Variants in PTPRK observed in about 807,000 individuals in gnomAD.
The protein encoded by PTPRK is receptor-type tyrosine-protein phosphatase kappa.
A neutral mutation model predicts 178.0 loss-of-function variants in PTPRK; 75 were observed. The observed-to-expected ratio is 0.42, with a 90% CI of 0.35 to 0.51. PTPRK has a LOEUF of 0.51. Ranked by LOEUF, PTPRK falls within the 20% of genes least tolerant of loss-of-function variation. The pLI, the probability that PTPRK is intolerant of heterozygous loss-of-function variation, is 0.02. For missense variants in PTPRK, 1,441 were observed against 1,797.8 expected (o/e 0.80, Z 3.59); for synonymous variants, 637 against 620.6 (o/e 1.03, Z -0.39).
intron 1 of PTPRK, among the ~76,000 whole-genome samples, chr6:128,439,862 T>A (rs1846065832): frequency 6.6e-6 from 1 of 152,216 alleles, no homozygotes; most frequent in Non-Finnish European, 1.5e-5. Context: ...GTGATTTACA[T>A]TCTGACTCAT....
chr6:128,182,801 C>T (rs1383575817), intron 7 of PTPRK, among the ~76,000 whole-genome samples: 1 of 152,100 alleles, frequency 6.6e-6, no homozygotes, highest in Non-Finnish European at 1.5e-5. Flanking sequence ...ATCTCCATGG[C>T]TTTCACATCT....
At chr6:128,244,464 A>G (rs946539866) in intron 3 of PTPRK, among the ~76,000 whole-genome samples, 7 of 152,204 alleles carry the variant, frequency 4.6e-5, no homozygotes, top group Non-Finnish European at 8.8e-5. Flanking sequence ...CCAACATCGA[A>G]TGGTTAAGAA....
chr6:128,316,342 C>T (rs1827991635), intron 3 of PTPRK, among the ~76,000 whole-genome samples: 1 of 152,124 alleles, frequency 6.6e-6, no homozygotes, highest in Admixed American at 6.5e-5. Flanking sequence ...ATGCATTGAA[C>T]AAACAATGCT....
chr6:128,236,651 A>T (rs1242792459), intron 5 of PTPRK, among the ~76,000 whole-genome samples: 1 of 151,980 alleles, frequency 6.6e-6, no homozygotes, highest in Admixed American at 6.6e-5. Context: ...CCGACCCTAA[A>T]TTTCTTTTAG....
At chr6:128,316,050 G>C (rs967122626) in intron 3 of PTPRK, among the ~76,000 whole-genome samples, 7 of 152,138 alleles carry the variant, frequency 4.6e-5, no homozygotes, top group African/African-American at 1.7e-4. Context: ...TTATCTATTT[G>C]TCATGTATTA....
At chr6:128,386,878 G>T (rs536012128) in intron 2 of PTPRK, among the ~76,000 whole-genome samples, 2 of 152,148 alleles carry the variant, frequency 1.3e-5, no homozygotes, top group East Asian at 3.9e-4. Flanking sequence ...GACCAGCCTG[G>T]CCAACATGGT....
At position 128,507,226 on chromosome 6, in the gene PTPRK, A is replaced by G. The variant is rs1402070387; in HGVS notation, c.100+13033T>C. Among the ~76,000 whole-genome samples, 5 of 152,184 alleles carry G rather than the reference A, an allele frequency of 3.3e-5. No individual in the cohort carries two copies. In the South Asian group the frequency reaches 8.3e-4, roughly 25 times the overall value. On this transcript the variant is annotated intron_variant, in intron 1 of 29. Coordinates refer to ENST00000368226, the MANE Select transcript of PTPRK (RefSeq NM_002844.4). ...CTTAAACACAAAATGGGCATAAAAT[A>G]TCAGTGACTCAACTAACAAAAAACA... is the stretch of plus-strand genomic sequence containing the variant.
chr6:128,396,333 GATAAT>G (rs1840296055), intron 2 of PTPRK, among the ~76,000 whole-genome samples: 1 of 148,092 alleles, frequency 6.8e-6, no homozygotes, highest in Non-Finnish European at 1.5e-5. Context: ...ATAGCATAAT[GATAAT>G]ATATTATATA....
At chr6:128,125,607 T>C (rs1793227434) in intron 7 of PTPRK, among the ~76,000 whole-genome samples, 1 of 129,082 alleles carries the variant, frequency 7.7e-6, no homozygotes, top group East Asian at 2.1e-4. Flanking sequence ...CTTTTCTTTT[T>C]TTTTTTTTTT....
At chr6:128,411,504 A>C (rs1584587775) in intron 1 of PTPRK, among the ~76,000 whole-genome samples, 1 of 152,196 alleles carries the variant, frequency 6.6e-6, no homozygotes, top group East Asian at 1.9e-4. Context: ...TCAATGATCA[A>C]ATCTATTCTC....
chr6:128,019,733 C>T (rs1423817429), intron 13 of PTPRK, among the ~76,000 whole-genome samples: 2 of 152,136 alleles, frequency 1.3e-5, no homozygotes, highest in Non-Finnish European at 2.9e-5. Context: ...GTTTACATCC[C>T]TGTGTTGTCT....
chr6:128,070,464 C>A (rs1032350740), intron 11 of PTPRK, among the ~76,000 whole-genome samples: 3 of 151,970 alleles, frequency 2.0e-5, no homozygotes, highest in African/African-American at 7.2e-5. Flanking sequence ...TCCCAGTCTC[C>A]AGAACTGTGA....
chr6:128,037,172 T>G (rs895164686), intron 13 of PTPRK, among the ~76,000 whole-genome samples: 1 of 152,160 alleles, frequency 6.6e-6, no homozygotes, highest in African/African-American at 2.4e-5. Flanking sequence ...TCTCCAGACT[T>G]AGGCCTCTGT....
chr6:128,312,075 T>C (rs1827313729), intron 3 of PTPRK, among the ~76,000 whole-genome samples: 1 of 152,178 alleles, frequency 6.6e-6, no homozygotes, highest in Non-Finnish European at 1.5e-5. Context: ...ATAAAGAGTA[T>C]GATCTAATTA....
chr6:128,205,417 T>C, intron 6 of PTPRK, among the ~76,000 whole-genome samples: 1 of 151,876 alleles, frequency 6.6e-6, no homozygotes, highest in East Asian at 1.9e-4. Context: ...CCCCTGAACT[T>C]AAAAGTTGAA....
chr6:128,268,115 A>G (rs1003557832), intron 3 of PTPRK, among the ~76,000 whole-genome samples: 4 of 152,036 alleles, frequency 2.6e-5, no homozygotes, highest in African/African-American at 9.7e-5. Context: ...GGAAGGCTGA[A>G]ATGGAAGCAT....
chr6:127,971,923 C>T (rs1358919512), intron 29 of PTPRK, among the ~76,000 whole-genome samples: 1 of 152,002 alleles, frequency 6.6e-6, no homozygotes, highest in Non-Finnish European at 1.5e-5. Flanking sequence ...GAGAGTTCTC[C>T]CTCAAAAATC....
At chr6:128,035,726 T>A (rs933416611) in intron 13 of PTPRK, among the ~76,000 whole-genome samples, 1 of 152,174 alleles carries the variant, frequency 6.6e-6, no homozygotes, top group Non-Finnish European at 1.5e-5. Flanking sequence ...TGGTTCTCAG[T>A]ATAGCAGATA....
At chr6:128,360,374 CCAGT>C (rs1469839878) in intron 2 of PTPRK, among the ~76,000 whole-genome samples, 2 of 152,076 alleles carry the variant, frequency 1.3e-5, no homozygotes, top group African/African-American at 4.8e-5. Flanking sequence ...AAATCATGGG[CCAGT>C]AAGGGGCACA....
Sources: gnomAD v4.1 joint callset for allele counts (sites outside exome capture counted in the v4.1 genomes callset) on GRCh38, gnomAD v4.1.1 for gene constraint, MANE v1.5 for transcripts, NCBI Gene and HGNC (gene_info 2026-07-23, HGNC 2026-07-21) for gene names.